The following CD302 variants were observed in gnomAD, a reference collection of about 807,000 sequenced individuals.
CD302 encodes the protein CD302 molecule.
In CD302, 23 loss-of-function variants were observed where a neutral mutation model predicts 26.5. The ratio of observed to expected loss-of-function variants is 0.87; its 90% CI spans 0.62 to 1.23. The LOEUF (loss-of-function observed/expected upper bound fraction) is 1.23, where lower values mean the gene tolerates loss of function less well. Ranked by LOEUF, CD302 falls within the 50% of genes most tolerant of loss-of-function variation. The pLI is 0.00. For synonymous variants in CD302, 90 were observed against 99.4 expected, an observed-to-expected ratio of 0.91 and a Z score of 0.56; for missense variants, 290 against 275.5, an observed-to-expected ratio of 1.05 and a Z score of -0.37.
chr2:159,787,648 G>T (rs57969758), intron 1 of CD302, among the ~76,000 whole-genome samples: 48,459 of 151,904 alleles, frequency 0.32, 9,701 homozygotes, highest in Admixed American at 0.48. Flanking sequence ...TTACTGTTTT[G>T]CCTGGCCGGT....
intron 1 of CD302, among the ~76,000 whole-genome samples, chr2:159,797,719 CG>C (rs1682501777): frequency 6.6e-6 from 1 of 152,208 alleles, no homozygotes; most frequent in South Asian, 2.1e-4. Flanking sequence ...AACCCCACTC[CG>C]GCCGCGCACC....
chr2:159,787,839 G>A (rs1471316307), intron 1 of CD302, among the ~76,000 whole-genome samples: 4 of 152,168 alleles, frequency 2.6e-5, no homozygotes, highest in African/African-American at 7.2e-5. Context: ...TCTCCACCAG[G>A]CACAGTGGCT....
Position 159,770,821 on chromosome 2 carries a change from A to G in CD302, c.*1030T>C, listed in dbSNP as rs773970148. On this transcript the variant is annotated 3_prime_UTR_variant, in exon 6 of 6. Transcript: ENST00000259053. ...GATTTTCACACAAGATTCCCTAACT[A>G]TGCATTTCTTAGAACGTATCCCCAT... 2 of 152,168 alleles carry G rather than the reference A, an allele frequency of 1.3e-5. No individual in the cohort carries two copies. Among genetic ancestry groups the G allele is most frequent in the Non-Finnish European group, 2.9e-5 (2 of 68,016 alleles). The allele number at this position is 152,168 out of a possible 1,614,324, so 9.4% of individuals were successfully genotyped here.
intron 5 of CD302, among the ~76,000 whole-genome samples, chr2:159,777,724 T>G (rs185878480): frequency 6.6e-6 from 1 of 152,264 alleles, no homozygotes; most frequent in East Asian, 1.9e-4. Flanking sequence ...TAAAAAAATA[T>G]TCCCGAGTAA....
intron 3 of CD302, 89 bp downstream of exon 3, chr2:159,780,793 A>C: frequency 8.1e-7 from 1 of 1,234,564 alleles, no homozygotes; most frequent in Non-Finnish European, 1.2e-6. Flanking sequence ...GGAATCATCA[A>C]CTTGAACCAG....
chr2:159,792,900 G>A (rs1003171495), intron 1 of CD302, among the ~76,000 whole-genome samples: 24 of 152,056 alleles, frequency 1.6e-4, no homozygotes, highest in African/African-American at 5.1e-4. Flanking sequence ...ATAGATCCCC[G>A]ATCAGAGTGT....
chr2:159,781,779 G>A (rs537045881), intron 2 of CD302, among the ~76,000 whole-genome samples: 12 of 152,286 alleles, frequency 7.9e-5, no homozygotes, highest in African/African-American at 2.6e-4. Context: ...CAGAGCCAAT[G>A]TTCATGTAAG....
chr2:159,783,167 G>A (rs1560046396), intron 2 of CD302, among the ~76,000 whole-genome samples, 192 bp downstream of exon 2: 1 of 152,214 alleles, frequency 6.6e-6, no homozygotes, highest in Non-Finnish European at 1.5e-5. Flanking sequence ...TCCAACAACT[G>A]TCTTCCAACT....
intron 5 of CD302, among the ~76,000 whole-genome samples, chr2:159,775,596 A>G (rs1708290143): frequency 6.6e-6 from 1 of 152,210 alleles, no homozygotes; most frequent in African/African-American, 2.4e-5. Context: ...CCATGTCTAA[A>G]TAACATGCTT....
rs1352517501 is a variant in CD302, at chr2:159,771,163, GAGAGAAATCCTTAA to G, written c.*674_*687del. The G allele has an allele frequency of 2.6e-5, 4 of 152,180 alleles. No individual in the cohort carries two copies. Among genetic ancestry groups the G allele is most frequent in the Non-Finnish European group, 5.9e-5 (4 of 68,030 alleles). The allele number at this position is 152,180 out of a possible 1,614,324, so 9.4% of individuals were successfully genotyped here. ...GAAAGTACAAAAGGTATGGTGGCAA[GAGAGAAATCCTTAA>G]AGGGGCACTATAATATGTAAGTGTT... On this transcript the variant is annotated 3_prime_UTR_variant, in exon 6 of 6. Transcript: ENST00000259053.
chr2:159,790,150 G>C (rs1220659008), intron 1 of CD302, among the ~76,000 whole-genome samples: 1 of 152,170 alleles, frequency 6.6e-6, no homozygotes. Flanking sequence ...TTAGTGTTAA[G>C]GGGTGATGAG....
chr2:159,777,880 C>T, intron 5 of CD302, 58 bp downstream of exon 5: 2 of 860,490 alleles, frequency 2.3e-6, no homozygotes, highest in East Asian at 3.8e-5. Flanking sequence ...TTTAATATGC[C>T]AGAATTTTGA....
intron 1 of CD302, among the ~76,000 whole-genome samples, chr2:159,794,526 ATTT>A (rs66746617): frequency 0.86 from 128,176 of 148,454 alleles, 54,866 homozygotes; most frequent in Middle Eastern, 0.95. Context: ...TAATTAATTT[ATTT>A]ATTTATTTAT....
chr2:159,798,084 C>T, intron 1 of CD302, 48 bp downstream of exon 1: 1 of 1,476,170 alleles, frequency 6.8e-7, no homozygotes, highest in Non-Finnish European at 9.0e-7. Flanking sequence ...GGGAAGGGGG[C>T]GAAGGCGGTC....
intron 1 of CD302, among the ~76,000 whole-genome samples, chr2:159,794,794 C>T (rs1055509692): frequency 2.8e-4 from 43 of 151,330 alleles, no homozygotes; most frequent in Admixed American, 4.6e-4. Context: ...GTGATCCACC[C>T]GCCTCGGCCT....
chr2:159,793,420 C>A lies in CD302; in HGVS notation c.67+4712G>T, dbSNP rs527677457. Among the ~76,000 whole-genome samples the A allele has an allele frequency of 1.1e-4, 17 of 151,518 alleles. No individual in the cohort carries two copies. The South Asian group carries it at 2.1e-3, about 19-fold the overall frequency. Reference sequence around the variant, plus strand: ...CTGTTCCTTTATAAGTTCTCTGTCTCTCTTTTTTTTAAAAAAAGAAAAAAA... The same window carrying A: ...CTGTTCCTTTATAAGTTCTCTGTCTATCTTTTTTTTAAAAAAAGAAAAAAA... On this transcript the variant is annotated intron_variant, in intron 1 of 5. Coordinates refer to ENST00000259053, the MANE Select transcript of CD302 (RefSeq NM_014880.5).
chr2:159,797,236 C>G, intron 1 of CD302, among the ~76,000 whole-genome samples: 1 of 148,420 alleles, frequency 6.7e-6, no homozygotes, highest in Non-Finnish European at 1.5e-5. Context: ...GGGGGGGAAT[C>G]TCTTGCATTT....
chr2:159,781,012 A>C lies in CD302; in HGVS notation c.179-14T>G, dbSNP rs1469008416. 5 of 1,587,034 alleles carry C rather than the reference A, an allele frequency of 3.2e-6. No homozygotes were observed. The highest frequency in any genetic ancestry group is 3.8e-5 in the Admixed American group (2 of 52,780). ...TCATGTCCGCTCCTGAAATTATTTTAAAGAGAAAAAAAGTCAGCATATTCC... is the reference window on the plus strand; with the variant it reads ...TCATGTCCGCTCCTGAAATTATTTTCAAGAGAAAAAAAGTCAGCATATTCC... On this transcript the variant is annotated splice_polypyrimidine_tract_variant and intron_variant, in intron 2 of 5. Coordinates refer to ENST00000259053, the MANE Select transcript of CD302 (RefSeq NM_014880.5).
intron 1 of CD302, among the ~76,000 whole-genome samples, chr2:159,795,172 G>A (rs79541888): frequency 1.3e-5 from 2 of 151,248 alleles, no homozygotes; most frequent in South Asian, 2.1e-4. Flanking sequence ...GCTGTGAGCC[G>A]AGATTGCGCC....
Sources: gnomAD v4.1 joint callset for allele counts (sites outside exome capture counted in the v4.1 genomes callset) on GRCh38, gnomAD v4.1.1 for gene constraint, MANE v1.5 for transcripts, NCBI Gene and HGNC (gene_info 2026-07-23, HGNC 2026-07-21) for gene names.